Variants in LYRM9 observed in about 807,000 individuals in gnomAD.
The protein encoded by LYRM9 is LYR motif containing 9, also known as LYR motif-containing protein 9.
Under a neutral mutation model 12.6 loss-of-function variants are expected in LYRM9, and 14 were observed. The observed-to-expected ratio is 1.11, with a 90% CI of 0.73 to 1.73. LYRM9 has a LOEUF of 1.73. LYRM9 is among the 40% of genes most tolerant of loss of function. The pLI is 0.00. For missense variants in LYRM9, 94 were observed against 95.0 expected (o/e 0.99, Z 0.04); for synonymous variants, 42 against 35.1 (o/e 1.20, Z -0.69).
intron 1 of LYRM9, among the ~76,000 whole-genome samples, chr17:27,887,645 T>C (rs1905272454): frequency 6.6e-6 from 1 of 152,068 alleles, no homozygotes; most frequent in Non-Finnish European, 1.5e-5. Context: ...TGGGGCAGAA[T>C]GTCTGGCATG....
Position 27,886,071 on chromosome 17 carries a change from G to A in LYRM9, c.-18-3359C>T, listed in dbSNP as rs993416535. Among the ~76,000 whole-genome samples, 10 of 152,070 alleles carry A rather than the reference G, an allele frequency of 6.6e-5. No individual in the cohort carries two copies. The South Asian group carries it at 1.2e-3, about 19-fold the overall frequency. ...CAACCACAGGAGACATACCACCAAA[G>A]TCCCAAACCTGATGGGTAGACTCCA... On this transcript the variant is annotated intron_variant, in intron 1 of 3. Coordinates refer to ENST00000379102, the MANE Select transcript of LYRM9 (RefSeq NM_001076680.3). The surrounding 1 kb of genome is among the most constrained non-coding windows in gnomAD (Gnocchi z 4.8).
At chr17:27,892,087 T>C (rs1443567370) in intron 1 of LYRM9, 1 of 174,902 alleles carries the variant, frequency 5.7e-6, no homozygotes, top group African/African-American at 2.4e-5. Flanking sequence ...CGCCACCACG[T>C]CTGGCTAATT....
At chr17:27,884,851 T>G (rs930846548) in intron 1 of LYRM9, among the ~76,000 whole-genome samples, 6 of 147,594 alleles carry the variant, frequency 4.1e-5, no homozygotes, top group African/African-American at 1.5e-4. Context: ...AACCCTCCCC[T>G]CACCTTGCAA....
At chr17:27,890,820 T>C (rs764544656) in intron 1 of LYRM9, among the ~76,000 whole-genome samples, 19 of 152,100 alleles carry the variant, frequency 1.2e-4, no homozygotes, top group Non-Finnish European at 2.4e-4. Context: ...AAGGGAAAAG[T>C]TGAAAAATAG....
chr17:27,885,000 G>A (rs1451833609), intron 1 of LYRM9, among the ~76,000 whole-genome samples: 3 of 152,224 alleles, frequency 2.0e-5, no homozygotes, highest in Non-Finnish European at 2.9e-5. Flanking sequence ...CCTCAGCTAC[G>A]TTAGCCAATT....
Position 27,879,345 on chromosome 17 carries a change from G to C in LYRM9, c.*128C>G, listed in dbSNP as rs1469656755. The C allele has an allele frequency of 1.4e-5, 15 of 1,041,370 alleles. No homozygotes were observed. In the South Asian group the frequency reaches 1.8e-4, roughly 13 times the overall value. 64.5% of individuals were successfully genotyped at this position (1,041,370 alleles called of 1,614,324 possible). ...AAGAGGAGCCTCTGGAGCAAGGTCA[G>C]CTTCTCCCCTGATTTCTGGCTTTCA... On this transcript the variant is annotated 3_prime_UTR_variant, in exon 4 of 4. Coordinates refer to ENST00000379102, the MANE Select transcript of LYRM9 (RefSeq NM_001076680.3).
intron 1 of LYRM9, among the ~76,000 whole-genome samples, chr17:27,889,666 A>G (rs977448942): frequency 2.0e-5 from 3 of 152,124 alleles, no homozygotes; most frequent in Admixed American, 6.5e-5. Flanking sequence ...CAGAGTCACA[A>G]TCTGCCACCA....
At chr17:27,889,311 CTTT>C (rs537456506) in intron 1 of LYRM9, among the ~76,000 whole-genome samples, 1 of 144,454 alleles carries the variant, frequency 6.9e-6, no homozygotes, top group African/African-American at 2.5e-5. Context: ...TTTCTTTTTT[CTTT>C]TTTTTTTTTT....
At position 27,879,326 on chromosome 17, in the gene LYRM9, A is replaced by T; in HGVS notation, c.*147T>A. On this transcript the variant is annotated 3_prime_UTR_variant, in exon 4 of 4. Transcript: ENST00000379102. The stretch of plus-strand genomic sequence containing the variant: ...CTAGCAACATGGCCGCGGCAAGAGG[A>T]GCCTCTGGAGCAAGGTCAGCTTCTC... The T allele has an allele frequency of 1.3e-6, 1 of 744,304 alleles. No individual in the cohort carries two copies. Among genetic ancestry groups the T allele is most frequent in the Non-Finnish European group, 2.0e-6 (1 of 495,272 alleles). 46.1% of individuals were successfully genotyped at this position (744,304 alleles called of 1,614,324 possible). A position where few individuals can be genotyped will look rare whatever the true frequency, so the allele number is the denominator to read the frequency against.
chr17:27,882,728 G>C lies in LYRM9; in HGVS notation c.-18-16C>G. 2 of 1,569,478 alleles carry C rather than the reference G, an allele frequency of 1.3e-6. No homozygotes were observed. Among genetic ancestry groups the C allele is most frequent in the Non-Finnish European group, 1.7e-6 (2 of 1,157,420 alleles). On this transcript the variant is annotated splice_polypyrimidine_tract_variant and intron_variant, in intron 1 of 3. Transcript: ENST00000379102. ...CCCTCTGTCCCTGGAAAACAAGCAG[G>C]ATCACTTCCAGGGCATCAAGCCAAG... is the stretch of plus-strand genomic sequence containing the variant.
At position 27,885,191 on chromosome 17, in the gene LYRM9, A is replaced by C. The variant is rs1484998614; in HGVS notation, c.-18-2479T>G. ...AGAGCCCTGCATCCACATGGATATA[A>C]GGACTAGCTCACACACGGGCACGTG... is the stretch of plus-strand genomic sequence containing the variant. On this transcript the variant is annotated intron_variant, in intron 1 of 3. Coordinates refer to ENST00000379102, the MANE Select transcript of LYRM9 (RefSeq NM_001076680.3). 2.0e-5 allele frequency among the ~76,000 whole-genome samples: 3 copies of C among 152,216 alleles called. No individual in the cohort carries two copies. In the East Asian group the frequency reaches 5.8e-4, roughly 29 times the overall value.
At chr17:27,883,178 G>GGA (rs1017265750) in intron 1 of LYRM9, 1 of 358,682 alleles carries the variant, frequency 2.8e-6, no homozygotes, top group African/African-American at 2.1e-5. Flanking sequence ...CACAGCATCG[G>GGA]GAGCTCATCA....
Position 27,879,985 on chromosome 17 carries a change from C to T in LYRM9, c.219+289G>A. ...GCCACCGCCGGCTCTGGCACTATAGCTTTCCCTCCTTCTTCCTGCTGCCCC... is the reference window on the plus strand; with the variant it reads ...GCCACCGCCGGCTCTGGCACTATAGTTTTCCCTCCTTCTTCCTGCTGCCCC... On this transcript the variant is annotated intron_variant, in intron 3 of 3. Coordinates refer to ENST00000379102, the MANE Select transcript of LYRM9 (RefSeq NM_001076680.3). The T allele has an allele frequency of 7.8e-6, 5 of 642,066 alleles. No homozygotes were observed. The South Asian group carries it at 8.5e-5, about 11-fold the overall frequency. 39.8% of individuals were successfully genotyped at this position (642,066 alleles called of 1,614,324 possible).
At chr17:27,888,396 G>C (rs1905307378) in intron 1 of LYRM9, among the ~76,000 whole-genome samples, 1 of 152,202 alleles carries the variant, frequency 6.6e-6, no homozygotes, top group South Asian at 2.1e-4. Flanking sequence ...GGCCCCACCA[G>C]CCATTCTCCA....
At chr17:27,883,457 A>G (rs1338709529) in intron 1 of LYRM9, among the ~76,000 whole-genome samples, 1 of 152,068 alleles carries the variant, frequency 6.6e-6, no homozygotes, top group African/African-American at 2.4e-5. Flanking sequence ...TGAGACCAGC[A>G]TGGCCAACAC....
Position 27,887,713 on chromosome 17 carries a change from G to GGTGTGTGTGT in LYRM9, c.-18-5011_-18-5002dup, listed in dbSNP as rs59760752. On this transcript the variant is annotated intron_variant, in intron 1 of 3. Transcript: ENST00000379102. ...GAGAAACAGAACCTATAGGAGGGAG[G>GGTGTGTGTGT]GTGTGTGTGTGTGTGTGTGTGTGTG... 6.4e-4 allele frequency among the ~76,000 whole-genome samples: 56 copies of GGTGTGTGTGT among 86,828 alleles called. 1 individual carries two copies. Among genetic ancestry groups the GGTGTGTGTGT allele is most frequent in the Admixed American group, 1.9e-3 (14 of 7,524 alleles). The allele number at this position is 86,828 out of a possible 152,430, so 57.0% of individuals were successfully genotyped here. A position where few individuals can be genotyped will look rare whatever the true frequency, so the allele number is the denominator to read the frequency against.
rs187626301 is a variant in LYRM9, at chr17:27,880,360, G to A, written c.133C>T (p.Arg45Trp). 188 of 1,602,234 alleles carry A rather than the reference G, an allele frequency of 1.2e-4. 1 individual carries two copies. The East Asian group carries it at 2.4e-3, about 20-fold the overall frequency. The change falls in exon 3 of 4, where the codon CGG (arginine) becomes TGG (tryptophan). Residue 45 changes from arginine to tryptophan, a missense_variant. Transcript: ENST00000379102. ...GGGTTGTCTTCATCTGAATGAACCC[G>A]AAAACTCTGCAAGTTTAAGCATAAA... ...HYKHAVRQSF[R>W]VHSDEDNPER...
intron 1 of LYRM9, among the ~76,000 whole-genome samples, chr17:27,887,970 A>G (rs1037485651): frequency 6.6e-6 from 1 of 152,170 alleles, no homozygotes; most frequent in South Asian, 2.1e-4. Context: ...AAGGCCTTCA[A>G]TGGATTGGAA....
At chr17:27,884,568 C>G (rs137906675) in intron 1 of LYRM9, among the ~76,000 whole-genome samples, 1 of 152,226 alleles carries the variant, frequency 6.6e-6, no homozygotes, top group Non-Finnish European at 1.5e-5. Flanking sequence ...CCCTTCCTCA[C>G]GGTCCCTCTC....
Sources: gnomAD v4.1 joint callset for allele counts (sites outside exome capture counted in the v4.1 genomes callset) on GRCh38, gnomAD v4.1.1 for gene constraint, Gnocchi (gnomAD v3.1) non-coding constraint, MANE v1.5 for transcripts, NCBI Gene and HGNC (gene_info 2026-07-23, HGNC 2026-07-21) for gene names.